The following DLGAP1 variants were observed in gnomAD, a reference collection of about 807,000 sequenced individuals.
The protein encoded by DLGAP1 is disks large-associated protein 1.
In DLGAP1, 11 loss-of-function variants were observed where a neutral mutation model predicts 90.8. The observed-to-expected ratio is 0.12, with a 90% CI of 0.08 to 0.20. The LOEUF (loss-of-function observed/expected upper bound fraction) is 0.20. Ranked by LOEUF, DLGAP1 falls within the 10% of genes least tolerant of loss-of-function variation. The probability of loss-of-function intolerance (pLI) is 1.00; values close to 1 mark genes in which losing one functional copy is unlikely to be tolerated. For missense variants in DLGAP1, 1,050 were observed against 1,333.8 expected (o/e 0.79, Z 3.31); for synonymous variants, 558 against 540.7 (o/e 1.03, Z -0.44).
chr18:4,017,327 C>G (rs2074539633), intron 2 of DLGAP1, among the ~76,000 whole-genome samples: 1 of 152,140 alleles, frequency 6.6e-6, no homozygotes, highest in Non-Finnish European at 1.5e-5. Flanking sequence ...AATCCTCATA[C>G]AGATTTGATG....
At chr18:4,318,073 T>TCAAAGTGC (rs1174150979) in intron 1 of DLGAP1, among the ~76,000 whole-genome samples, 1 of 152,122 alleles carries the variant, frequency 6.6e-6, no homozygotes. Context: ...TCTCAGCCTC[T>TCAAAGTGC]CAAAGTGCTG....
intron 7 of DLGAP1, among the ~76,000 whole-genome samples, chr18:3,708,654 A>G (rs932467432): frequency 6.6e-6 from 1 of 152,246 alleles, no homozygotes; most frequent in African/African-American, 2.4e-5. Context: ...ACTCTACAAC[A>G]AGAATTTAAA....
At chr18:4,054,389 A>G (rs372598073) in intron 2 of DLGAP1, among the ~76,000 whole-genome samples, 7 of 152,174 alleles carry the variant, frequency 4.6e-5, no homozygotes, top group African/African-American at 1.7e-4. Context: ...TGAAAAGTGC[A>G]TATTTCTTCC....
At chr18:4,326,786 A>G (rs2080827632) in intron 1 of DLGAP1, among the ~76,000 whole-genome samples, 1 of 152,080 alleles carries the variant, frequency 6.6e-6, no homozygotes, top group Admixed American at 6.6e-5. Flanking sequence ...TCACTTATAA[A>G]TGGAGCTAAA....
chr18:4,293,361 G>A (rs1377793886), intron 1 of DLGAP1: 1 of 152,228 alleles, frequency 6.6e-6, no homozygotes, highest in African/African-American at 2.4e-5. Flanking sequence ...GGACAGAGAA[G>A]ATCCAGTTTA....
intron 1 of DLGAP1, among the ~76,000 whole-genome samples, chr18:4,237,784 TAAAC>T (rs1466206667): frequency 7.2e-5 from 11 of 152,272 alleles, no homozygotes; most frequent in South Asian, 2.1e-4. Context: ...TTATTGAACT[TAAAC>T]TAAGTTATGT....
chr18:4,173,412 T>C (rs2077055319), intron 1 of DLGAP1, among the ~76,000 whole-genome samples: 1 of 152,200 alleles, frequency 6.6e-6, no homozygotes, highest in South Asian at 2.1e-4. Flanking sequence ...TCAAATTCTT[T>C]ATGATCGGTA....
intron 7 of DLGAP1, among the ~76,000 whole-genome samples, chr18:3,661,959 ACT>A (rs2059699026): frequency 6.6e-6 from 1 of 151,958 alleles, no homozygotes; most frequent in Non-Finnish European, 1.5e-5. Flanking sequence ...AGAAAAGGTA[ACT>A]CTATTAATGT....
intron 7 of DLGAP1, among the ~76,000 whole-genome samples, chr18:3,640,080 C>G (rs1368523746): frequency 6.6e-6 from 1 of 152,018 alleles, no homozygotes; most frequent in Admixed American, 6.5e-5. Flanking sequence ...AATTAATTAG[C>G]CTAGTGAGAT....
At chr18:4,347,057 A>G (rs577705886) in intron 1 of DLGAP1, among the ~76,000 whole-genome samples, 1 of 152,230 alleles carries the variant, frequency 6.6e-6, no homozygotes, top group South Asian at 2.1e-4. Context: ...AATAAGTAGC[A>G]TAAGTAACTA....
At chr18:3,757,413 T>A (rs1222994044) in intron 5 of DLGAP1, among the ~76,000 whole-genome samples, 1 of 151,380 alleles carries the variant, frequency 6.6e-6, no homozygotes, top group Non-Finnish European at 1.5e-5. Flanking sequence ...CACCTCAAAT[T>A]AAATAAATAA....
chr18:4,338,620 G>A (rs2081123236), intron 1 of DLGAP1, among the ~76,000 whole-genome samples: 2 of 152,162 alleles, frequency 1.3e-5, no homozygotes, highest in South Asian at 4.1e-4. Context: ...AGTTCACGAT[G>A]AAAAGGTAAA....
At chr18:4,437,138 G>A (rs74777897) in intron 1 of DLGAP1, among the ~76,000 whole-genome samples, 14,034 of 152,256 alleles carry the variant, frequency 0.092, 727 homozygotes, top group Middle Eastern at 0.22. Context: ...GAACAGATGG[G>A]TTGATTAATT....
chr18:4,181,537 T>C (rs771140908), intron 1 of DLGAP1, among the ~76,000 whole-genome samples: 1 of 152,190 alleles, frequency 6.6e-6, no homozygotes, highest in Non-Finnish European at 1.5e-5. Flanking sequence ...ACTATCTTGG[T>C]TGAAAACACT....
chr18:4,366,359 A>T (rs1024013798), intron 1 of DLGAP1, among the ~76,000 whole-genome samples: 1 of 152,152 alleles, frequency 6.6e-6, no homozygotes, highest in African/African-American at 2.4e-5. Flanking sequence ...CTGAGAAAAA[A>T]TAATTTAGAT....
intron 3 of DLGAP1, among the ~76,000 whole-genome samples, chr18:3,918,345 A>G (rs2072191982): frequency 6.6e-6 from 1 of 152,228 alleles, no homozygotes; most frequent in African/African-American, 2.4e-5. Flanking sequence ...GAATAATTCT[A>G]ATTTTGAATG....
intron 1 of DLGAP1, among the ~76,000 whole-genome samples, chr18:4,372,783 C>T (rs1264630087): frequency 6.6e-6 from 1 of 151,902 alleles, no homozygotes; most frequent in East Asian, 1.9e-4. Flanking sequence ...AAAAAATTAG[C>T]CAGGCGTGGT....
chr18:4,226,334 A>G (rs2145012414), intron 1 of DLGAP1, among the ~76,000 whole-genome samples: 1 of 152,280 alleles, frequency 6.6e-6, no homozygotes, highest in South Asian at 2.1e-4. Flanking sequence ...AAGGACTTTA[A>G]TGACCAATAT....
intron 1 of DLGAP1, among the ~76,000 whole-genome samples, chr18:4,296,323 CACAT>C (rs2079980865): frequency 6.6e-6 from 1 of 152,054 alleles, no homozygotes; most frequent in Non-Finnish European, 1.5e-5. Context: ...CACACAGAAA[CACAT>C]ACACACACAC....
Sources: allele counts gnomAD v4.1 joint callset (sites outside exome capture counted in the v4.1 genomes callset), GRCh38; gene constraint gnomAD v4.1.1; transcripts MANE v1.5; gene names NCBI Gene and HGNC (gene_info 2026-07-23, HGNC 2026-07-21).